Variants in ZNF892 observed in about 807,000 individuals in gnomAD.
ZNF892 encodes zinc finger protein 570-like.
At chr2:95,241,018 C>T in the ZNF892 span, among the ~76,000 whole-genome samples, 1 of 152,222 alleles carries the variant, frequency 6.6e-6, no homozygotes, top group Admixed American at 6.5e-5. Context: ...GATGGAGCTC[C>T]CAAGGGGAGG....
chr2:95,252,629 T>A, the ZNF892 span, among the ~76,000 whole-genome samples: 1 of 152,226 alleles, frequency 6.6e-6, no homozygotes, highest in Non-Finnish European at 1.5e-5. Flanking sequence ...TCAAATGGTA[T>A]TTCTAGTTCT....
At chr2:95,239,576 G>A in the ZNF892 span, among the ~76,000 whole-genome samples, 2 of 151,976 alleles carry the variant, frequency 1.3e-5, no homozygotes, top group Non-Finnish European at 2.9e-5. Flanking sequence ...ATTGAGGCAA[G>A]ACCCTCCACC....
At chr2:95,212,016 G>T in the ZNF892 span, among the ~76,000 whole-genome samples, 1 of 152,116 alleles carries the variant, frequency 6.6e-6, no homozygotes, top group African/African-American at 2.4e-5. Flanking sequence ...TCTTTAAATA[G>T]GGGGAGGTAA....
the ZNF892 span, among the ~76,000 whole-genome samples, chr2:95,221,439 G>A: frequency 6.6e-6 from 1 of 152,236 alleles, no homozygotes; most frequent in Non-Finnish European, 1.5e-5. Context: ...CTTCTGGGAT[G>A]CAATTTCGTG....
the ZNF892 span, among the ~76,000 whole-genome samples, chr2:95,250,831 A>G: frequency 6.8e-6 from 1 of 146,462 alleles, no homozygotes; most frequent in Non-Finnish European, 1.5e-5. Flanking sequence ...AAATATTCAC[A>G]GTTATTTATT....
At chr2:95,225,603 G>C in the ZNF892 span, among the ~76,000 whole-genome samples, 1 of 152,182 alleles carries the variant, frequency 6.6e-6, no homozygotes, top group African/African-American at 2.4e-5. Flanking sequence ...TTTGGAGGGG[G>C]TAAACATTCA....
At chr2:95,246,723 G>T in the ZNF892 span, among the ~76,000 whole-genome samples, 1 of 152,024 alleles carries the variant, frequency 6.6e-6, no homozygotes, top group African/African-American at 2.4e-5. Flanking sequence ...CAACAGACTA[G>T]CAGAGAGCCA....
At chr2:95,261,486 G>T in the ZNF892 span, among the ~76,000 whole-genome samples, 1 of 152,000 alleles carries the variant, frequency 6.6e-6, no homozygotes, top group East Asian at 1.9e-4. Context: ...GTAGAGACGG[G>T]GTTTCACCAT....
At chr2:95,246,484 T>C in the ZNF892 span, among the ~76,000 whole-genome samples, 11 of 152,304 alleles carry the variant, frequency 7.2e-5, no homozygotes, top group East Asian at 1.7e-3. Flanking sequence ...ACCACTTCTA[T>C]TCAACATAGT....
the ZNF892 span, among the ~76,000 whole-genome samples, chr2:95,224,640 A>G: frequency 3.3e-5 from 5 of 152,310 alleles, no homozygotes; most frequent in South Asian, 2.1e-4. Flanking sequence ...ATCGCCTCCA[A>G]TCAGGTCCCA....
At chr2:95,210,199 ATGTATATATG>A in the ZNF892 span, among the ~76,000 whole-genome samples, 5 of 146,982 alleles carry the variant, frequency 3.4e-5, no homozygotes, top group Non-Finnish European at 5.9e-5. Context: ...ATGTGTATAT[ATGTATATATG>A]TGTATATATG....
At chr2:95,217,587 G>A in the ZNF892 span, among the ~76,000 whole-genome samples, 1 of 152,204 alleles carries the variant, frequency 6.6e-6, no homozygotes, top group Non-Finnish European at 1.5e-5. Flanking sequence ...ATACATTTGT[G>A]ATCTGGACAT....
the ZNF892 span, among the ~76,000 whole-genome samples, chr2:95,238,189 T>C: frequency 6.6e-6 from 1 of 152,236 alleles, no homozygotes; most frequent in African/African-American, 2.4e-5. Context: ...AATGTGTGGC[T>C]TCAAAACTTC....
At chr2:95,219,282 A>G in the ZNF892 span, among the ~76,000 whole-genome samples, 3 of 152,064 alleles carry the variant, frequency 2.0e-5, no homozygotes, top group African/African-American at 7.2e-5. Flanking sequence ...CTGGGATTAC[A>G]GGCATGAGCC....
the ZNF892 span, among the ~76,000 whole-genome samples, chr2:95,239,007 C>T: frequency 1.3e-5 from 2 of 152,096 alleles, no homozygotes; most frequent in Middle Eastern, 3.4e-3. Context: ...GGCGTGGTGG[C>T]GCGTGCCTGT....
At chr2:95,214,928 T>G in the ZNF892 span, 2 of 485,688 alleles carry the variant, frequency 4.1e-6, no homozygotes, top group Non-Finnish European at 7.5e-6. Context: ...ATCATATAAT[T>G]CATACTGGAG....
At chr2:95,238,147 C>T in the ZNF892 span, among the ~76,000 whole-genome samples, 1 of 152,220 alleles carries the variant, frequency 6.6e-6, no homozygotes, top group African/African-American at 2.4e-5. Context: ...GAAGAAGATG[C>T]CATCTAGGAC....
At chr2:95,234,089 T>G in the ZNF892 span, among the ~76,000 whole-genome samples, 1 of 152,148 alleles carries the variant, frequency 6.6e-6, no homozygotes, top group Admixed American at 6.5e-5. Context: ...AGGCGCGATC[T>G]CGGCTCACTG....
the ZNF892 span, among the ~76,000 whole-genome samples, chr2:95,258,496 G>A: frequency 2.6e-5 from 4 of 152,170 alleles, no homozygotes; most frequent in East Asian, 7.7e-4. Context: ...GAATGGACGT[G>A]GGTTACAGAT....
Sources: allele counts gnomAD v4.1 joint callset (sites outside exome capture counted in the v4.1 genomes callset), GRCh38; gene constraint gnomAD v4.1.1; transcripts MANE v1.5; gene names NCBI Gene and HGNC (gene_info 2026-07-23, HGNC 2026-07-21).